DPH5: variants seen among roughly 807,000 people sequenced by gnomAD.
The protein encoded by DPH5 is diphthamide biosynthesis 5.
A neutral mutation model predicts 31.6 loss-of-function variants in DPH5; 31 were observed. The observed-to-expected ratio is 0.98, with a 90% CI of 0.74 to 1.32. DPH5 has a LOEUF of 1.32. Ranked by LOEUF, DPH5 falls within the 40% of genes most tolerant of loss-of-function variation. The probability of loss-of-function intolerance (pLI) is 0.00; values close to 1 mark genes in which losing one functional copy is unlikely to be tolerated. For missense variants in DPH5, 309 were observed against 335.7 expected, an observed-to-expected ratio of 0.92 and a Z score of 0.62; for synonymous variants, 120 against 115.0, an observed-to-expected ratio of 1.04 and a Z score of -0.28.
chr1:101,011,084 A>G (rs889979180), intron 4 of DPH5, among the ~76,000 whole-genome samples: 1 of 152,200 alleles, frequency 6.6e-6, no homozygotes, highest in Non-Finnish European at 1.5e-5. Flanking sequence ...TTTTTCTTCC[A>G]TAAGCGCTAG....
intron 3 of DPH5, among the ~76,000 whole-genome samples, chr1:101,018,580 A>G (rs548380039): frequency 3.9e-5 from 6 of 152,162 alleles, no homozygotes; most frequent in African/African-American, 1.4e-4. Flanking sequence ...CGTTTTTGAC[A>G]TAAGTGTGGC....
chr1:100,997,891 C>T (rs937135797), intron 5 of DPH5, among the ~76,000 whole-genome samples: 7 of 152,170 alleles, frequency 4.6e-5, no homozygotes, highest in Non-Finnish European at 1.0e-4. Flanking sequence ...TGACCTTCTA[C>T]CCACAGCTGG....
At chr1:100,992,383 T>C (rs756811524) in intron 7 of DPH5, among the ~76,000 whole-genome samples, 1 of 152,198 alleles carries the variant, frequency 6.6e-6, no homozygotes, top group African/African-American at 2.4e-5. Context: ...ATGTGACTTA[T>C]GTTTAATTTG....
intron 4 of DPH5, among the ~76,000 whole-genome samples, chr1:101,003,761 G>A (rs984787855): frequency 6.6e-6 from 1 of 152,134 alleles, no homozygotes; most frequent in Non-Finnish European, 1.5e-5. Flanking sequence ...CCTTATTGGA[G>A]TAAGCTCAAA....
chr1:101,022,895 T>A (rs895685236), intron 2 of DPH5: 2 of 152,058 alleles, frequency 1.3e-5, no homozygotes, highest in African/African-American at 4.8e-5. Context: ...AGTGTAGAGG[T>A]CAAGAGTGGT....
At chr1:101,007,709 C>T (rs1188282786) in intron 4 of DPH5, among the ~76,000 whole-genome samples, 1 of 150,046 alleles carries the variant, frequency 6.7e-6, no homozygotes, top group Admixed American at 6.6e-5. Context: ...AGCAAGACTC[C>T]GTCCCCCCCG....
At chr1:101,016,325 G>A (rs1660073891) in intron 3 of DPH5, among the ~76,000 whole-genome samples, 1 of 152,082 alleles carries the variant, frequency 6.6e-6, no homozygotes, top group Non-Finnish European at 1.5e-5. Flanking sequence ...CTGCACTCCA[G>A]CCTGGGCAAC....
In DPH5 at chr1:100,993,279, G is replaced by A. The variant is rs942744822; in HGVS notation, c.531-539C>T. ...AAAATATAGCCATTGCAGGCCAGGCGTGGTGGCTCATGCCTGTAATCCCAG... is the reference window on the plus strand; with the variant it reads ...AAAATATAGCCATTGCAGGCCAGGCATGGTGGCTCATGCCTGTAATCCCAG... On this transcript the variant is annotated intron_variant, in intron 6 of 7. Coordinates refer to ENST00000370109, the MANE Select transcript of DPH5 (RefSeq NM_015958.3). Among the ~76,000 whole-genome samples the A allele has an allele frequency of 7.2e-5, 11 of 152,116 alleles. No homozygotes were observed. In the South Asian group the frequency reaches 1.2e-3, roughly 17 times the overall value.
intron 6 of DPH5, among the ~76,000 whole-genome samples, chr1:100,993,051 G>T (rs1310367675): frequency 2.0e-5 from 3 of 151,754 alleles, no homozygotes; most frequent in Non-Finnish European, 4.4e-5. Context: ...CAAAGTAAGT[G>T]GCAATTTGGT....
At chr1:101,004,729 C>A (rs1472255062) in intron 4 of DPH5, among the ~76,000 whole-genome samples, 1 of 152,150 alleles carries the variant, frequency 6.6e-6, no homozygotes, top group African/African-American at 2.4e-5. Flanking sequence ...ATTTCCCCCA[C>A]TAAGAGGGCA....
intron 5 of DPH5, among the ~76,000 whole-genome samples, chr1:100,997,045 G>T (rs891575117): frequency 2.6e-5 from 4 of 152,114 alleles, no homozygotes; most frequent in African/African-American, 9.7e-5. Context: ...GTTTAACCTT[G>T]TTTGTCTTTT....
At chr1:101,002,644 T>C (rs965071672) in intron 4 of DPH5, among the ~76,000 whole-genome samples, 5 of 152,202 alleles carry the variant, frequency 3.3e-5, no homozygotes, top group African/African-American at 9.6e-5. Flanking sequence ...AGCACTAGAC[T>C]CACATCTAGT....
At chr1:101,015,054 G>C (rs61780331) in intron 3 of DPH5, among the ~76,000 whole-genome samples, 15,704 of 152,126 alleles carry the variant, frequency 0.1, 1,023 homozygotes, top group Non-Finnish European at 0.15. Flanking sequence ...AGGAGGGTTG[G>C]AATCGACCCC....
chr1:101,019,025 AGG>A (rs1660272000), intron 3 of DPH5, among the ~76,000 whole-genome samples: 1 of 152,214 alleles, frequency 6.6e-6, no homozygotes, highest in Admixed American at 6.5e-5. Context: ...CATACAACAT[AGG>A]GATAAAAATT....
chr1:100,992,557 G>T, intron 7 of DPH5, 80 bp downstream of exon 7: 1 of 961,040 alleles, frequency 1.0e-6, no homozygotes, highest in Non-Finnish European at 1.6e-6. Context: ...TTCCATAGTG[G>T]TATGAGATAT....
intron 5 of DPH5, chr1:100,995,442 C>G (rs994769088): frequency 4.1e-6 from 1 of 243,848 alleles, no homozygotes; most frequent in Non-Finnish European, 8.1e-6. Flanking sequence ...CTACTAACAG[C>G]TAATCACAAT....
At chr1:100,993,788 C>T (rs1413948209) in intron 6 of DPH5, among the ~76,000 whole-genome samples, 2 of 151,454 alleles carry the variant, frequency 1.3e-5, no homozygotes, top group East Asian at 1.9e-4. Context: ...GTTGCCCAGG[C>T]TGCAGTACAG....
intron 4 of DPH5, among the ~76,000 whole-genome samples, chr1:101,010,916 C>T (rs1659581548): frequency 6.6e-6 from 1 of 152,184 alleles, no homozygotes; most frequent in Non-Finnish European, 1.5e-5. Context: ...GCAATAGCTT[C>T]AGTATCACCT....
At chr1:100,993,559 A>AATAAATATATATATATAT (rs1269819610) in intron 6 of DPH5, among the ~76,000 whole-genome samples, 1 of 56,546 alleles carries the variant, frequency 1.8e-5, no homozygotes, top group African/African-American at 6.3e-5. Flanking sequence ...CGAAAATATA[A>AATAAATATATATATATAT]ATATATATAT....
Sources: allele counts gnomAD v4.1 joint callset (sites outside exome capture counted in the v4.1 genomes callset), GRCh38; gene constraint gnomAD v4.1.1; transcripts MANE v1.5; gene names NCBI Gene and HGNC (gene_info 2026-07-23, HGNC 2026-07-21).